The following CEP192 variants were observed in gnomAD, a reference collection of about 807,000 sequenced individuals.
CEP192 encodes the protein centrosomal protein 192.
In CEP192, 151 loss-of-function variants were observed where a neutral mutation model predicts 271.8. The observed-to-expected ratio is 0.56, with a 90% confidence interval of 0.49 to 0.64. CEP192 has a LOEUF of 0.64. CEP192 is among the 30% of genes least tolerant of loss of function. The pLI is 0.00. For missense variants in CEP192, 2,910 were observed against 3,020.5 expected, an observed-to-expected ratio of 0.96 and a Z score of 0.86; for synonymous variants, 995 against 1,076.5, an observed-to-expected ratio of 0.92 and a Z score of 1.48.
intron 21 of CEP192, among the ~76,000 whole-genome samples, chr18:13,061,831 C>T (rs573317228): frequency 4.1e-4 from 63 of 152,216 alleles, no homozygotes; most frequent in Non-Finnish European, 7.1e-4. Flanking sequence ...TCAGTAATAC[C>T]CTTTTCCCCA....
chr18:13,114,558 T>C (rs879162669), intron 42 of CEP192, among the ~76,000 whole-genome samples: 1 of 152,250 alleles, frequency 6.6e-6, no homozygotes, highest in Admixed American at 6.5e-5. Flanking sequence ...ATTCATGTTA[T>C]TGAATGTACC....
At chr18:13,000,901 T>G (rs554167042) in intron 2 of CEP192, among the ~76,000 whole-genome samples, 1 of 152,290 alleles carries the variant, frequency 6.6e-6, no homozygotes, top group East Asian at 1.9e-4. Flanking sequence ...TGCAGTGACC[T>G]GAGATTGGGC....
Position 13,092,432 on chromosome 18 carries a change from T to A in CEP192, c.6159T>A (p.Cys2053Ter). 1 of 1,604,936 alleles carries A rather than the reference T, an allele frequency of 6.2e-7. No individual in the cohort carries two copies. Among genetic ancestry groups the A allele is most frequent in the Non-Finnish European group, 8.5e-7 (1 of 1,172,880 alleles). The change falls in exon 34 of 45, where the codon TGT becomes TGA. Residue 2053 changes from cysteine to a stop codon, truncating the protein, a stop_gained. Coordinates refer to ENST00000506447, the MANE Select transcript of CEP192 (RefSeq NM_032142.4). LOFTEE classifies it high-confidence loss of function. ...NDVQLFYGSM[C>*]KIILSVIGEF... ...TTCAGCTCTTTTATGGAAGCATGTG[T>A]AAAATTATACTTTCAGTAATTGGAG...
intron 40 of CEP192, among the ~76,000 whole-genome samples, chr18:13,105,503 C>T (rs969065454): frequency 4.0e-4 from 61 of 152,162 alleles, no homozygotes; most frequent in Admixed American, 3.9e-3. Context: ...TGACATATTC[C>T]CTTCAAATGT....
chr18:13,108,269 G>A (rs1568431009), intron 40 of CEP192, among the ~76,000 whole-genome samples: 1 of 152,086 alleles, frequency 6.6e-6, no homozygotes, highest in Admixed American at 6.5e-5. Flanking sequence ...ATTCTCCAAA[G>A]CAATTGTAAT....
chr18:13,123,294 T>G (rs2040759758), intron 44 of CEP192, among the ~76,000 whole-genome samples: 1 of 152,124 alleles, frequency 6.6e-6, no homozygotes, highest in Non-Finnish European at 1.5e-5. Flanking sequence ...GTAAAACAAA[T>G]GTAATGCATT....
At position 13,117,596 on chromosome 18, in the gene CEP192, G is replaced by A; in HGVS notation, c.7428G>A (p.Leu2476=). Residue 2476 remains leucine, a synonymous_variant, in exon 44 of 45, where the codon TTG becomes TTA. Coordinates refer to ENST00000506447, the MANE Select transcript of CEP192 (RefSeq NM_032142.4). Reference sequence around the variant, plus strand: ...CTATTAAATTCCAGCTGAAGTTTTTGAGTCCCAGAGAGCCATTCTATGTCA... The same window carrying A: ...CTATTAAATTCCAGCTGAAGTTTTTAAGTCCCAGAGAGCCATTCTATGTCA... ...NSFITHSLKF[L]SPREPFYVKH... 1 of 1,610,944 alleles carries A rather than the reference G, an allele frequency of 6.2e-7. No individual in the cohort carries two copies. The highest frequency in any genetic ancestry group is 1.7e-4 in the Middle Eastern group (1 of 6,058).
chr18:13,092,904 C>T (rs139883412), intron 34 of CEP192, among the ~76,000 whole-genome samples: 127 of 152,214 alleles, frequency 8.3e-4, no homozygotes, highest in African/African-American at 3.0e-3. Flanking sequence ...CATGTAATCC[C>T]AGCACTTTGG....
intron 14 of CEP192, 77 bp downstream of exon 14, chr18:13,041,033 G>A (rs79796549): frequency 0.04 from 50,194 of 1,266,136 alleles, 1,190 homozygotes; most frequent in Middle Eastern, 0.071. Flanking sequence ...ATGGGTGACC[G>A]TGTTCTTTAT....
Position 13,103,596 on chromosome 18 carries a change from A to ATGAC in CEP192, c.6951+11_6951+14dup. The ATGAC allele has an allele frequency of 6.3e-7, 1 of 1,598,210 alleles. No individual in the cohort carries two copies. The highest frequency in any genetic ancestry group is 1.3e-5 in the African/African-American group (1 of 74,726). On this transcript the variant is annotated intron_variant, in intron 39 of 44. Coordinates refer to ENST00000506447, the MANE Select transcript of CEP192 (RefSeq NM_032142.4). ...GCGCCACCTTATGTCAAGGTCAGTCATGACTGCCTCAGATATAATCGTTTT... is the reference window on the plus strand; with the variant it reads ...GCGCCACCTTATGTCAAGGTCAGTCATGACTGACTGCCTCAGATATAATCGTTTT...
At chr18:13,025,522 G>A (rs2035245069) in intron 9 of CEP192, among the ~76,000 whole-genome samples, 1 of 152,092 alleles carries the variant, frequency 6.6e-6, no homozygotes, top group Non-Finnish European at 1.5e-5. Flanking sequence ...TGGTCTCTTT[G>A]TGGTCTTAAT....
chr18:13,112,110 A>G (rs1441699058), intron 40 of CEP192, among the ~76,000 whole-genome samples: 1 of 152,252 alleles, frequency 6.6e-6, no homozygotes, highest in Non-Finnish European at 1.5e-5. Flanking sequence ...ATGACCCAGC[A>G]GTTCCACTTC....
chr18:13,095,788 A>G, intron 35 of CEP192, 107 bp downstream of exon 35: 1 of 970,396 alleles, frequency 1.0e-6, no homozygotes, highest in Non-Finnish European at 1.5e-6. Context: ...CTGCACATTG[A>G]GCTGTGACTT....
intron 4 of CEP192, among the ~76,000 whole-genome samples, chr18:13,012,544 G>T (rs2034424554): frequency 6.6e-6 from 1 of 152,106 alleles, no homozygotes; most frequent in Admixed American, 6.5e-5. Context: ...ATATTGATTT[G>T]TGTGAATGGG....
intron 32 of CEP192, 116 bp from the exon 33 acceptor site, chr18:13,089,340 G>A: frequency 1.9e-6 from 1 of 539,592 alleles, no homozygotes. Flanking sequence ...TGTAAGGTCT[G>A]TGTACTAATA....
At chr18:13,065,496 A>G (rs934602639) in intron 21 of CEP192, among the ~76,000 whole-genome samples, 2 of 152,242 alleles carry the variant, frequency 1.3e-5, no homozygotes, top group African/African-American at 4.8e-5. Flanking sequence ...TTATTCTAAT[A>G]TAACAACAGC....
At chr18:13,111,784 A>G (rs934437820) in intron 40 of CEP192, among the ~76,000 whole-genome samples, 2 of 152,250 alleles carry the variant, frequency 1.3e-5, no homozygotes, top group Non-Finnish European at 2.9e-5. Context: ...GTAAAAAGAA[A>G]TGGCCCAATT....
chr18:13,095,091 G>A (rs1311006321), intron 34 of CEP192, among the ~76,000 whole-genome samples: 1 of 152,068 alleles, frequency 6.6e-6, no homozygotes, highest in African/African-American at 2.4e-5. Flanking sequence ...TTGGACTCCT[G>A]GCCTCAAGTA....
chr18:12,996,682 C>G (rs1029257560), intron 1 of CEP192, among the ~76,000 whole-genome samples: 1 of 152,032 alleles, frequency 6.6e-6, no homozygotes, highest in Non-Finnish European at 1.5e-5. Flanking sequence ...AAAGCAGCAG[C>G]TTGGTGGAGT....
Sources: allele counts gnomAD v4.1 joint callset (sites outside exome capture counted in the v4.1 genomes callset), GRCh38; gene constraint gnomAD v4.1.1; transcripts MANE v1.5; gene names NCBI Gene and HGNC (gene_info 2026-07-23, HGNC 2026-07-21).